Variants in GRM7 observed in about 807,000 individuals in gnomAD.
GRM7 encodes the protein metabotropic glutamate receptor 7.
A neutral mutation model predicts 84.5 loss-of-function variants in GRM7; 35 were observed. That is an observed-to-expected ratio of 0.41 (90% CI 0.32 to 0.55). The LOEUF (loss-of-function observed/expected upper bound fraction) is 0.55. Among genes scored for constraint, GRM7 ranks in the 20% least tolerant of loss-of-function variants. The pLI is 0.19. For synonymous variants in GRM7, 487 were observed against 455.1 expected, an observed-to-expected ratio of 1.07 and a Z score of -0.89; for missense variants, 1,003 against 1,194.6, an observed-to-expected ratio of 0.84 and a Z score of 2.36.
chr3:7,431,355 T>A (rs1696822795), intron 5 of GRM7, among the ~76,000 whole-genome samples: 1 of 152,150 alleles, frequency 6.6e-6, no homozygotes, highest in South Asian at 2.1e-4. Context: ...AAGTCTTGAA[T>A]AGACAAAACT....
intron 2 of GRM7, among the ~76,000 whole-genome samples, chr3:7,279,593 A>C (rs1699186587): frequency 6.6e-6 from 1 of 152,174 alleles, no homozygotes; most frequent in South Asian, 2.1e-4. Context: ...TGGATAGTAG[A>C]ATTCAATAAA....
chr3:6,958,188 T>C (rs1233763552), intron 1 of GRM7, among the ~76,000 whole-genome samples: 1 of 151,802 alleles, frequency 6.6e-6, no homozygotes, highest in African/African-American at 2.4e-5. Flanking sequence ...TCTTTGTTAC[T>C]CTCTATATAT....
At chr3:7,438,293 GAGA>G (rs960658437) in intron 5 of GRM7, among the ~76,000 whole-genome samples, 35 of 152,050 alleles carry the variant, frequency 2.3e-4, no homozygotes, top group African/African-American at 8.2e-4. Flanking sequence ...TGGAGATGGA[GAGA>G]AGGAGACAAC....
intron 2 of GRM7, among the ~76,000 whole-genome samples, chr3:7,253,385 T>C (rs184672270): frequency 1.3e-5 from 2 of 152,052 alleles, no homozygotes; most frequent in Admixed American, 1.3e-4. Flanking sequence ...GAGGCTGATG[T>C]GGGCAGATCA....
intron 1 of GRM7, among the ~76,000 whole-genome samples, chr3:6,993,699 C>A (rs1300231849): frequency 2.0e-5 from 3 of 152,128 alleles, no homozygotes; most frequent in Non-Finnish European, 4.4e-5. Context: ...TCAAGCTAAG[C>A]AACTATGTTG....
intron 1 of GRM7, among the ~76,000 whole-genome samples, chr3:6,926,747 A>G (rs565662520): frequency 6.6e-6 from 1 of 152,322 alleles, no homozygotes; most frequent in South Asian, 2.1e-4. Flanking sequence ...TCACCATTTT[A>G]ATAACTGTAG....
chr3:7,036,662 C>T (rs561972871), intron 1 of GRM7, among the ~76,000 whole-genome samples: 4 of 152,106 alleles, frequency 2.6e-5, no homozygotes, highest in Non-Finnish European at 5.9e-5. Flanking sequence ...TTCAGTTTCA[C>T]TGATTGAATA....
At chr3:7,416,872 G>A (rs1242928069) in intron 5 of GRM7, among the ~76,000 whole-genome samples, 3 of 152,100 alleles carry the variant, frequency 2.0e-5, no homozygotes, top group Admixed American at 2.0e-4. Context: ...CTCTATGACA[G>A]GGTACATTCA....
intron 9 of GRM7, among the ~76,000 whole-genome samples, chr3:7,692,650 T>C (rs1428458750): frequency 1.3e-5 from 2 of 152,190 alleles, no homozygotes; most frequent in East Asian, 3.9e-4. Context: ...AACTATCCAT[T>C]GAAGCAGGTC....
chr3:7,504,472 C>T (rs183781092), intron 7 of GRM7, among the ~76,000 whole-genome samples: 79 of 152,160 alleles, frequency 5.2e-4, no homozygotes, highest in East Asian at 1.9e-4. Flanking sequence ...TACCACAGAC[C>T]GAGTAGTTTA....
At chr3:6,932,902 C>CT (rs36097139) in intron 1 of GRM7, among the ~76,000 whole-genome samples, 43,591 of 151,278 alleles carry the variant, frequency 0.29, 6,651 homozygotes, top group South Asian at 0.36. Flanking sequence ...TCACAGGCAC[C>CT]TACCACCATG....
Position 7,729,210 on chromosome 3 carries a change from T to C in GRM7, c.2699-11147T>C, listed in dbSNP as rs138629138. On this transcript the variant is annotated intron_variant, in intron 9 of 9. Transcript: ENST00000357716. ...GTTTTCACAGTCATTCACAGGAATA[T>C]ACAGTGCACCAAACTATTTGAATCA... Among the ~76,000 whole-genome samples, 486 of 152,314 alleles carry C rather than the reference T, an allele frequency of 3.2e-3. 3 individuals carry two copies. Among genetic ancestry groups the C allele is most frequent in the African/African-American group, 0.011 (461 of 41,558 alleles).
chr3:7,430,535 A>G (rs1032650534), intron 5 of GRM7, among the ~76,000 whole-genome samples: 1 of 152,226 alleles, frequency 6.6e-6, no homozygotes, highest in African/African-American at 2.4e-5. Flanking sequence ...TAAATGCTAT[A>G]AGTACTTTAG....
At chr3:6,949,464 C>T (rs1382743232) in intron 1 of GRM7, among the ~76,000 whole-genome samples, 1 of 152,040 alleles carries the variant, frequency 6.6e-6, no homozygotes, top group Non-Finnish European at 1.5e-5. Context: ...GGTAACCCGA[C>T]CTTTCTCTCT....
chr3:6,969,495 C>T (rs1192500131), intron 1 of GRM7, among the ~76,000 whole-genome samples: 1 of 152,188 alleles, frequency 6.6e-6, no homozygotes, highest in Non-Finnish European at 1.5e-5. Flanking sequence ...TACTGATGCT[C>T]AGTTCACTGT....
At chr3:7,152,318 CTCCAATATAGTA>C (rs2125071026) in intron 2 of GRM7, among the ~76,000 whole-genome samples, 1 of 152,274 alleles carries the variant, frequency 6.6e-6, no homozygotes, top group African/African-American at 2.4e-5. Context: ...AGAATAATCC[CTCCAATATAGTA>C]TCCATTCAGC....
At chr3:7,409,578 GTTTTGTTT>G in intron 4 of GRM7, among the ~76,000 whole-genome samples, 1 of 10,394 alleles carries the variant, frequency 9.6e-5, no homozygotes, top group African/African-American at 3.4e-4. Context: ...TTTTGTGTTT[GTTTTGTTT>G]TGTTTTGTTT....
At chr3:6,912,772 TATAA>T (rs1376570523) in intron 1 of GRM7, among the ~76,000 whole-genome samples, 1 of 152,188 alleles carries the variant, frequency 6.6e-6, no homozygotes, top group African/African-American at 2.4e-5. Flanking sequence ...TAAAATAAGT[TATAA>T]ATAGTGATCA....
At chr3:7,662,364 T>C (rs1699502131) in intron 8 of GRM7, among the ~76,000 whole-genome samples, 1 of 152,056 alleles carries the variant, frequency 6.6e-6, no homozygotes, top group South Asian at 2.1e-4. Context: ...TTCTAGTCTT[T>C]AAATATGCAC....
Sources: allele counts gnomAD v4.1 joint callset (sites outside exome capture counted in the v4.1 genomes callset), GRCh38; gene constraint gnomAD v4.1.1; transcripts MANE v1.5; gene names NCBI Gene and HGNC (gene_info 2026-07-23, HGNC 2026-07-21).